The following ZNF407 variants were observed in gnomAD, a reference collection of about 807,000 sequenced individuals.
The protein encoded by ZNF407 is zinc finger protein 407.
ZNF407 carries 17 observed loss-of-function variants against 131.2 expected under a neutral mutation model. The observed-to-expected ratio is 0.13, with a 90% confidence interval of 0.09 to 0.19. The LOEUF is 0.19. Ranked by LOEUF, ZNF407 falls within the 10% of genes least tolerant of loss-of-function variation. The pLI, the probability that ZNF407 is intolerant of heterozygous loss-of-function variation, is 1.00. For missense variants in ZNF407, 2,681 were observed against 2,830.6 expected, an observed-to-expected ratio of 0.95 and a Z score of 1.20; for synonymous variants, 1,156 against 1,062.0, an observed-to-expected ratio of 1.09 and a Z score of -1.72.
intron 2 of ZNF407, among the ~76,000 whole-genome samples, chr18:74,636,733 G>A (rs1279835313): frequency 6.6e-6 from 1 of 152,178 alleles, no homozygotes; most frequent in Non-Finnish European, 1.5e-5. Context: ...TTCACTGAAG[G>A]AAGTAATGGG....
intron 3 of ZNF407, among the ~76,000 whole-genome samples, chr18:74,669,502 C>T (rs971032748): frequency 6.6e-6 from 1 of 152,166 alleles, no homozygotes; most frequent in Non-Finnish European, 1.5e-5. Flanking sequence ...CTCAGGCTCT[C>T]CTTTTGGGGG....
intron 1 of ZNF407, among the ~76,000 whole-genome samples, chr18:74,601,305 TTGTG>T (rs748852719): frequency 6.4e-5 from 9 of 141,168 alleles, no homozygotes; most frequent in East Asian, 2.1e-4. Context: ...CTTCAGTTAG[TTGTG>T]TGTGTGTGTG....
At chr18:74,611,972 G>A (rs960169740) in intron 1 of ZNF407, among the ~76,000 whole-genome samples, 1 of 152,148 alleles carries the variant, frequency 6.6e-6, no homozygotes, top group Non-Finnish European at 1.5e-5. Context: ...TTTGTAAGAG[G>A]AAAGACTGGG....
intron 8 of ZNF407, among the ~76,000 whole-genome samples, chr18:74,929,245 C>G (rs1471056202): frequency 6.6e-6 from 1 of 152,166 alleles, no homozygotes; most frequent in African/African-American, 2.4e-5. Context: ...GCCGCGCCAG[C>G]GCTTCCTTCC....
At chr18:74,813,566 G>C (rs899574075) in intron 4 of ZNF407, among the ~76,000 whole-genome samples, 3 of 152,136 alleles carry the variant, frequency 2.0e-5, no homozygotes, top group African/African-American at 7.2e-5. Context: ...TCAGCCCAGG[G>C]TGAGGGCCGG....
chr18:74,847,199 G>C lies in ZNF407; in HGVS notation c.4878-29998G>C, dbSNP rs186649635. 3.6e-3 allele frequency among the ~76,000 whole-genome samples: 544 copies of C among 152,244 alleles called. 1 individual carries two copies. Among genetic ancestry groups the C allele is most frequent in the African/African-American group, 0.012 (505 of 41,538 alleles). ...TAAATAAGCAAAATAATGAAAAACAGTGTTTCCCCCTACAATCCACAAGCA... is the reference window on the plus strand; with the variant it reads ...TAAATAAGCAAAATAATGAAAAACACTGTTTCCCCCTACAATCCACAAGCA... On this transcript the variant is annotated intron_variant, in intron 4 of 8. Coordinates refer to ENST00000299687, the MANE Select transcript of ZNF407 (RefSeq NM_017757.3).
chr18:75,064,779 T>G lies in ZNF407; in HGVS notation c.*311T>G, dbSNP rs1009641723. 1.4e-5 allele frequency: 4 copies of G among 287,330 alleles called. No individual in the cohort carries two copies. Among genetic ancestry groups the G allele is most frequent in the Non-Finnish European group, 2.6e-5 (4 of 154,010 alleles). 17.8% of individuals were successfully genotyped at this position (287,330 alleles called of 1,614,324 possible). A position where few individuals can be genotyped will look rare whatever the true frequency, so the allele number is the denominator to read the frequency against. ...TCCCGCTTCGTCCTGGCCGCTGTGC[T>G]GAAGAGAAGCCAAGTGTTGTTGGTG... On this transcript the variant is annotated 3_prime_UTR_variant, in exon 9 of 9. Transcript: ENST00000299687.
In ZNF407 at chr18:74,637,733, G is replaced by A. The variant is rs371800243; in HGVS notation, c.4687+2027G>A. 1.1e-4 allele frequency among the ~76,000 whole-genome samples: 17 copies of A among 152,208 alleles called. No individual in the cohort carries two copies. In the East Asian group the frequency reaches 3.3e-3, roughly 29 times the overall value. ...TTGCTTATGTCCATAAAATAGTAAT[G>A]CAGAGACTGTTATTAATGGTTAACT... is the stretch of plus-strand genomic sequence containing the variant. On this transcript the variant is annotated intron_variant, in intron 2 of 8. Coordinates refer to ENST00000299687, the MANE Select transcript of ZNF407 (RefSeq NM_017757.3).
At chr18:75,045,472 G>A (rs367989144) in intron 8 of ZNF407, among the ~76,000 whole-genome samples, 1 of 152,156 alleles carries the variant, frequency 6.6e-6, no homozygotes, top group Admixed American at 6.5e-5. Flanking sequence ...CAGTGGAAAT[G>A]TTGCCCTGGA....
intron 8 of ZNF407, among the ~76,000 whole-genome samples, chr18:74,925,513 A>C (rs772235628): frequency 1.4e-4 from 21 of 152,192 alleles, no homozygotes; most frequent in Non-Finnish European, 2.5e-4. Context: ...TACATAAAAA[A>C]ATTTCCTTTG....
At position 74,651,171 on chromosome 18, in the gene ZNF407, C is replaced by T. The variant is rs199519073; in HGVS notation, c.4802+10049C>T. ...TCCTTAAAGAGCACATTAAAAATAC[C>T]CTGTTTGGAAAATGACAGTTTTAAA... On this transcript the variant is annotated intron_variant, in intron 3 of 8. Transcript: ENST00000299687. 2.0e-4 allele frequency among the ~76,000 whole-genome samples: 31 copies of T among 151,850 alleles called. 1 individual carries two copies. In the East Asian group the frequency reaches 3.3e-3, roughly 16 times the overall value.
chr18:75,034,035 A>G (rs1269897022), intron 8 of ZNF407, among the ~76,000 whole-genome samples: 1 of 152,186 alleles, frequency 6.6e-6, no homozygotes, highest in Non-Finnish European at 1.5e-5. Context: ...AATCCTGATA[A>G]TCAGAGTTTA....
At chr18:75,026,772 G>A (rs4891221) in intron 8 of ZNF407, among the ~76,000 whole-genome samples, 21,918 of 152,150 alleles carry the variant, frequency 0.14, 1,785 homozygotes, top group Admixed American at 0.27. Flanking sequence ...AGATTATACC[G>A]GATGATGAAA....
chr18:74,601,539 C>T (rs1158076870), intron 1 of ZNF407, among the ~76,000 whole-genome samples: 1 of 152,142 alleles, frequency 6.6e-6, no homozygotes, highest in African/African-American at 2.4e-5. Context: ...CGCGGTTCTG[C>T]AGGCTCTACA....
At chr18:74,600,031 C>T (rs1392900443) in intron 1 of ZNF407, among the ~76,000 whole-genome samples, 1 of 152,116 alleles carries the variant, frequency 6.6e-6, no homozygotes, top group Non-Finnish European at 1.5e-5. Flanking sequence ...TGCTTTGTGC[C>T]AGCCATTGCA....
intron 4 of ZNF407, among the ~76,000 whole-genome samples, chr18:74,803,251 T>C (rs570001256): frequency 8.5e-5 from 13 of 152,254 alleles, no homozygotes; most frequent in Admixed American, 5.9e-4. Context: ...GGGAGATGGA[T>C]TTGGGGCTGA....
intron 3 of ZNF407, among the ~76,000 whole-genome samples, chr18:74,690,800 A>AT (rs1967202751): frequency 6.6e-6 from 1 of 152,044 alleles, no homozygotes; most frequent in Non-Finnish European, 1.5e-5. Context: ...GCCTATTTTG[A>AT]TTTTTATTTA....
At chr18:74,698,948 T>A (rs1967426461) in intron 3 of ZNF407, among the ~76,000 whole-genome samples, 2 of 152,146 alleles carry the variant, frequency 1.3e-5, no homozygotes, top group South Asian at 4.1e-4. Context: ...ATAAAATAAT[T>A]TTTGGAAAAA....
rs756533554 is a variant in ZNF407, at chr18:75,045,970, A to G, written c.5429-17180A>G. Among the ~76,000 whole-genome samples, 17 of 152,344 alleles carry G rather than the reference A, an allele frequency of 1.1e-4. 1 individual carries two copies. Among genetic ancestry groups the G allele is most frequent in the Middle Eastern group, 6.8e-3 (2 of 294 alleles). On this transcript the variant is annotated intron_variant, in intron 8 of 8. Coordinates refer to ENST00000299687, the MANE Select transcript of ZNF407 (RefSeq NM_017757.3). The stretch of plus-strand genomic sequence containing the variant: ...GAATAGGTATTTCCCATCTTAATGC[A>G]ACAGTATTTGCATATGATGAACCAA...
Sources: allele counts gnomAD v4.1 joint callset (sites outside exome capture counted in the v4.1 genomes callset), GRCh38; gene constraint gnomAD v4.1.1; transcripts MANE v1.5; gene names NCBI Gene and HGNC (gene_info 2026-07-23, HGNC 2026-07-21).